SRD5A2: variants seen among roughly 807,000 people sequenced by gnomAD.
The protein encoded by SRD5A2 is 3-oxo-5-alpha-steroid 4-dehydrogenase 2.
In SRD5A2, 30 loss-of-function variants were observed where a neutral mutation model predicts 27.4. The observed-to-expected ratio is 1.10, with a 90% CI of 0.82 to 1.49. The LOEUF (loss-of-function observed/expected upper bound fraction) is 1.49, where lower values mean the gene tolerates loss of function less well. SRD5A2 is among the 40% of genes most tolerant of loss of function. The pLI is 0.00. For synonymous variants in SRD5A2, 141 were observed against 133.6 expected (o/e 1.06, Z -0.38); for missense variants, 348 against 323.4 (o/e 1.08, Z -0.58).
At chr2:31,649,517 A>G in the SRD5A2 span, among the ~76,000 whole-genome samples, 1 of 152,206 alleles carries the variant, frequency 6.6e-6, no homozygotes, top group African/African-American at 2.4e-5. Context: ...ATACCTATGT[A>G]TCAATACTTC....
At chr2:31,645,885 T>C in the SRD5A2 span, among the ~76,000 whole-genome samples, 1 of 152,124 alleles carries the variant, frequency 6.6e-6, no homozygotes, top group African/African-American at 2.4e-5. Context: ...TAAAGTATAT[T>C]CACCTGACTA....
At chr2:31,662,963 G>C in the SRD5A2 span, among the ~76,000 whole-genome samples, 27 of 152,130 alleles carry the variant, frequency 1.8e-4, no homozygotes, top group Non-Finnish European at 4.4e-5. Context: ...AGGAAAGTTG[G>C]TCTAATATAA....
chr2:31,579,409 T>G (rs758128905), intron 1 of SRD5A2, among the ~76,000 whole-genome samples: 3 of 152,232 alleles, frequency 2.0e-5, no homozygotes, highest in Admixed American at 6.5e-5. Flanking sequence ...TCCTTGATCT[T>G]TTGACCCTAG....
the SRD5A2 span, among the ~76,000 whole-genome samples, chr2:31,618,910 C>T: frequency 6.6e-6 from 1 of 151,996 alleles, no homozygotes; most frequent in Non-Finnish European, 1.5e-5. Flanking sequence ...CTGTAATGTA[C>T]ACATAGATCA....
At chr2:31,577,260 G>A (rs1446558886) in intron 1 of SRD5A2, among the ~76,000 whole-genome samples, 2 of 144,000 alleles carry the variant, frequency 1.4e-5, no homozygotes, top group African/African-American at 5.1e-5. Flanking sequence ...TCATTTCCAT[G>A]TGGCTAAAGA....
chr2:31,652,704 T>C, the SRD5A2 span, among the ~76,000 whole-genome samples: 1 of 152,114 alleles, frequency 6.6e-6, no homozygotes, highest in Non-Finnish European at 1.5e-5. Flanking sequence ...TGTAAAAGGA[T>C]AAAGACCATG....
In SRD5A2 at chr2:31,531,355, G is replaced by T. The variant is rs1656013707; in HGVS notation, c.547+16C>A. 1.9e-6 allele frequency: 3 copies of T among 1,542,176 alleles called. No homozygotes were observed. Among genetic ancestry groups the T allele is most frequent in the Middle Eastern group, 3.8e-4 (2 of 5,296 alleles). On this transcript the variant is annotated intron_variant, in intron 3 of 4. Transcript: ENST00000622030. ...TCCAGGGAAGAGTGAGAGTCTGGGG[G>T]CAGGGGAGACATTACCTTGTGGAAT...
At chr2:31,617,925 T>C in the SRD5A2 span, among the ~76,000 whole-genome samples, 1 of 152,196 alleles carries the variant, frequency 6.6e-6, no homozygotes, top group Non-Finnish European at 1.5e-5. Flanking sequence ...GTCACTTCCA[T>C]ACTTGTTGAG....
intron 3 of SRD5A2, among the ~76,000 whole-genome samples, chr2:31,529,724 G>C (rs1380307826): frequency 6.6e-6 from 1 of 152,156 alleles, no homozygotes. Context: ...ACAACTGCTG[G>C]ACCACTAGCT....
the SRD5A2 span, among the ~76,000 whole-genome samples, chr2:31,609,956 C>T: frequency 6.6e-6 from 1 of 152,026 alleles, no homozygotes; most frequent in East Asian, 1.9e-4. Context: ...CTGCAACCTG[C>T]CAAGACTGAA....
chr2:31,654,310 T>C, the SRD5A2 span, among the ~76,000 whole-genome samples: 2 of 152,188 alleles, frequency 1.3e-5, no homozygotes, highest in African/African-American at 2.4e-5. Context: ...ATACACTACT[T>C]GCAGGTGAGA....
At chr2:31,559,765 T>A (rs1379871035) in intron 1 of SRD5A2, among the ~76,000 whole-genome samples, 1 of 151,918 alleles carries the variant, frequency 6.6e-6, no homozygotes, top group South Asian at 2.1e-4. Flanking sequence ...GTCTACTGAA[T>A]AGGACAAAAA....
chr2:31,583,614 GAA>G (rs1215302510), upstream of SRD5A2, among the ~76,000 whole-genome samples: 1,589 of 18,752 alleles, frequency 0.085, 86 homozygotes, highest in African/African-American at 0.17. Context: ...CTCCTTCCAG[GAA>G]AAAAAAAAAA....
the SRD5A2 span, among the ~76,000 whole-genome samples, chr2:31,611,862 T>C: frequency 1.3e-5 from 2 of 152,164 alleles, no homozygotes; most frequent in East Asian, 3.8e-4. Flanking sequence ...TACGTGAATG[T>C]TCATAACATT....
chr2:31,572,466 A>T (rs904086563), intron 1 of SRD5A2, among the ~76,000 whole-genome samples: 8 of 152,356 alleles, frequency 5.3e-5, no homozygotes, highest in Non-Finnish European at 7.3e-5. Context: ...TAATTTTTTT[A>T]AAACAAAAGA....
chr2:31,661,462 C>T, the SRD5A2 span, among the ~76,000 whole-genome samples: 1 of 152,136 alleles, frequency 6.6e-6, no homozygotes, highest in Non-Finnish European at 1.5e-5. Context: ...TCCTGTGCTA[C>T]ACAAGGAGAC....
At chr2:31,585,679 G>C (rs1252201335), upstream of SRD5A2, among the ~76,000 whole-genome samples, 8 of 152,188 alleles carry the variant, frequency 5.3e-5, no homozygotes, top group Non-Finnish European at 1.0e-4. Flanking sequence ...CAAGGGCCTT[G>C]GGTGAGCCTC....
the SRD5A2 span, among the ~76,000 whole-genome samples, chr2:31,601,779 T>A: frequency 6.6e-6 from 1 of 152,062 alleles, no homozygotes; most frequent in African/African-American, 2.4e-5. Context: ...TCAATGTGAT[T>A]CATCACATAA....
intron 1 of SRD5A2, among the ~76,000 whole-genome samples, chr2:31,562,680 AAGG>A (rs1196708119): frequency 3.3e-5 from 5 of 152,130 alleles, no homozygotes; most frequent in Non-Finnish European, 7.4e-5. Flanking sequence ...CAAAAGGGAA[AAGG>A]AGGGAGAGGG....
Sources: gnomAD v4.1 joint callset for allele counts (sites outside exome capture counted in the v4.1 genomes callset) on GRCh38, gnomAD v4.1.1 for gene constraint, MANE v1.5 for transcripts, NCBI Gene and HGNC (gene_info 2026-07-23, HGNC 2026-07-21) for gene names.